The following HEATR5B variants were observed in gnomAD, a reference collection of about 807,000 sequenced individuals.
HEATR5B encodes the protein HEAT repeat containing 5B.
Under a neutral mutation model 224.1 loss-of-function variants are expected in HEATR5B, and 156 were observed. The observed-to-expected ratio is 0.70, with a 90% confidence interval of 0.61 to 0.80. The LOEUF is 0.80. HEATR5B is among the 30% of genes least tolerant of loss of function. HEATR5B has a pLI of 0.00. For missense variants in HEATR5B, 2,323 were observed against 2,535.5 expected (o/e 0.92, Z 1.80); for synonymous variants, 1,027 against 893.0 (o/e 1.15, Z -2.68).
intron 19 of HEATR5B, 151 bp from the exon 20 acceptor site, chr2:37,040,669 C>T: frequency 1.7e-6 from 1 of 586,650 alleles, no homozygotes; most frequent in Non-Finnish European, 3.0e-6. Flanking sequence ...TTTTCATACA[C>T]ATTCTTCATC....
intron 5 of HEATR5B, among the ~76,000 whole-genome samples, chr2:37,074,051 G>T (rs138844202): frequency 1.3e-5 from 2 of 152,188 alleles, no homozygotes; most frequent in Non-Finnish European, 2.9e-5. Context: ...GCCGGGTGTG[G>T]TGGCTCACGC....
intron 26 of HEATR5B, among the ~76,000 whole-genome samples, chr2:37,019,126 C>T (rs1472695337): frequency 1.3e-5 from 2 of 151,712 alleles, no homozygotes; most frequent in Non-Finnish European, 2.9e-5. Context: ...TGCCACTGTG[C>T]TCCAGCCTGG....
In HEATR5B at chr2:37,073,988, G is replaced by A. The variant is rs1672069589; in HGVS notation, c.597+1497C>T. Among the ~76,000 whole-genome samples, 3 of 152,190 alleles carry A rather than the reference G, an allele frequency of 2.0e-5. No homozygotes were observed. The South Asian group carries it at 6.2e-4, about 32-fold the overall frequency. ...ACACAACTGATTTTCAACAAAGGGTGTAAACGGAGTTTAGTGAAGAAAAGA... is the reference window on the plus strand; with the variant it reads ...ACACAACTGATTTTCAACAAAGGGTATAAACGGAGTTTAGTGAAGAAAAGA... On this transcript the variant is annotated intron_variant, in intron 5 of 35. Coordinates refer to ENST00000233099, the MANE Select transcript of HEATR5B (RefSeq NM_019024.3).
At chr2:37,004,592 C>T in intron 30 of HEATR5B, among the ~76,000 whole-genome samples, 1 of 151,902 alleles carries the variant, frequency 6.6e-6, no homozygotes, top group East Asian at 1.9e-4. Flanking sequence ...CTACTGGTCA[C>T]CTCAAACAAT....
chr2:37,039,541 A>G (rs1205899369), intron 20 of HEATR5B, among the ~76,000 whole-genome samples: 1 of 152,212 alleles, frequency 6.6e-6, no homozygotes, highest in Non-Finnish European at 1.5e-5. Flanking sequence ...AAACCTTGTA[A>G]AAGTTCTTAA....
At chr2:37,037,361 T>C (rs566379528) in intron 21 of HEATR5B, among the ~76,000 whole-genome samples, 4 of 151,852 alleles carry the variant, frequency 2.6e-5, no homozygotes, top group Admixed American at 1.3e-4. Context: ...GCCAGGCTAG[T>C]CTCAATCTCC....
chr2:37,064,750 G>A lies in HEATR5B; in HGVS notation c.1574C>T (p.Ala525Val). 6.2e-7 allele frequency: 1 copy of A among 1,613,872 alleles called. No homozygotes were observed. Among genetic ancestry groups the A allele is most frequent in the Non-Finnish European group, 8.5e-7 (1 of 1,179,966 alleles). The change falls in exon 10 of 36, where the codon GCC (alanine) becomes GTC (valine). Residue 525 changes from alanine (A) to valine (V), a missense_variant. Physicochemically the swap from Ala to Val is moderately conservative, Grantham distance 64. This residue lies in a region of HEATR5B where 502 missense variants were observed against 517.8 expected (regional missense o/e 0.97). Transcript: ENST00000233099. ...VHQCPLGIPH[A>V]KGKMVVSIAE... ...GGATCTCCGTCATACCTTTCCTTTG[G>A]CATGAGGAATGCCCAAAGGACACTG...
intron 5 of HEATR5B, among the ~76,000 whole-genome samples, chr2:37,073,819 G>A (rs1214270051): frequency 6.6e-6 from 1 of 152,088 alleles, no homozygotes; most frequent in African/African-American, 2.4e-5. Context: ...TTTTGAAAAA[G>A]AACAAAGTTG....
rs556436336 is a variant in HEATR5B, at chr2:37,005,660, T to C, written c.4877A>G (p.Tyr1626Cys). 3.6e-5 allele frequency: 58 copies of C among 1,613,430 alleles called. No individual in the cohort carries two copies. In the South Asian group the frequency reaches 5.8e-4, roughly 16 times the overall value. ...QALHTLLDSP[Y>C]ARVHIAEDQL... ...ATCTTCTGCAATATGGACTCGAGCATAAGGGGAGTCTAGCAAGGTATGTAA... is the reference window on the plus strand; with the variant it reads ...ATCTTCTGCAATATGGACTCGAGCACAAGGGGAGTCTAGCAAGGTATGTAA... The change falls in exon 30 of 36, where the codon TAT becomes TGT. Residue 1626 changes from tyrosine to cysteine, a missense_variant. By Grantham distance (194) the Tyr-to-Cys change is radical. Coordinates refer to ENST00000233099, the MANE Select transcript of HEATR5B (RefSeq NM_019024.3).
At chr2:37,034,615 A>G (rs1572855443) in intron 21 of HEATR5B, among the ~76,000 whole-genome samples, 1 of 139,618 alleles carries the variant, frequency 7.2e-6, no homozygotes, top group Non-Finnish European at 1.6e-5. Context: ...TCTGTCTCAA[A>G]AAAAAAAAAA....
chr2:37,035,052 G>C (rs189613932), intron 21 of HEATR5B, among the ~76,000 whole-genome samples: 1 of 152,220 alleles, frequency 6.6e-6, no homozygotes, highest in African/African-American at 2.4e-5. Context: ...CACAACTACT[G>C]TAAGAATCAA....
Position 37,068,895 on chromosome 2 carries a change from C to G in HEATR5B, c.963G>C (p.Gln321His). The change falls in exon 8 of 36, where the codon CAG (glutamine) becomes CAC (histidine). Residue 321 changes from glutamine to histidine, a missense_variant. This residue lies in a region of HEATR5B where 502 missense variants were observed against 517.8 expected (regional missense o/e 0.97). Coordinates refer to ENST00000233099, the MANE Select transcript of HEATR5B (RefSeq NM_019024.3). ...YVVFVTTLGGQWLERSFATFL... is the reference protein window; with the variant it reads ...YVVFVTTLGGHWLERSFATFL... ...ACGTGGCAAAGCTGCGCTCCAACCA[C>G]TGACCACCCAATGTTGTCACAAAAA... 1.9e-6 allele frequency: 3 copies of G among 1,614,138 alleles called. No homozygotes were observed. In the East Asian group the frequency reaches 6.7e-5, roughly 36 times the overall value.
At chr2:36,988,154 C>A (rs1010201232) in intron 35 of HEATR5B, among the ~76,000 whole-genome samples, 6 of 151,846 alleles carry the variant, frequency 4.0e-5, no homozygotes, top group Admixed American at 2.6e-4. Flanking sequence ...AAAAAAAAAT[C>A]GCTGTGTTGA....
intron 16 of HEATR5B, among the ~76,000 whole-genome samples, chr2:37,054,618 G>A (rs1558351040): frequency 1.3e-5 from 2 of 150,790 alleles, no homozygotes; most frequent in South Asian, 2.1e-4. Flanking sequence ...CCGAGTAGCT[G>A]GGACTACAGG....
At chr2:37,044,512 T>G (rs966237260) in intron 18 of HEATR5B, among the ~76,000 whole-genome samples, 1 of 152,186 alleles carries the variant, frequency 6.6e-6, no homozygotes, top group Non-Finnish European at 1.5e-5. Context: ...ATTCAACCAT[T>G]GATAATTGTG....
In HEATR5B at chr2:37,049,813, G is replaced by T. The variant is rs892616857; in HGVS notation, c.2536C>A (p.Pro846Thr). Residue 846 changes from proline to threonine, a missense_variant, in exon 18 of 36, where the codon CCT becomes ACT. Pro to Thr is a conservative substitution (Grantham distance 38). Transcript: ENST00000233099. Reference protein sequence around the residue: ...GLAENKSTLGPEEVRKSALTL... With the variant: ...GLAENKSTLGTEEVRKSALTL... ...AGGGCAGATTTACGAACTTCCTCAGGTCCTAAAGTACTTTTGTTTTCAGCT... is the reference window on the plus strand; with the variant it reads ...AGGGCAGATTTACGAACTTCCTCAGTTCCTAAAGTACTTTTGTTTTCAGCT... 14 of 1,580,046 alleles carry T rather than the reference G, an allele frequency of 8.9e-6. No individual in the cohort carries two copies. Among genetic ancestry groups the T allele is most frequent in the Middle Eastern group, 1.7e-4 (1 of 5,918 alleles).
chr2:37,071,391 G>A (rs1671896962), intron 6 of HEATR5B, among the ~76,000 whole-genome samples: 1 of 152,138 alleles, frequency 6.6e-6, no homozygotes, highest in South Asian at 2.1e-4. Flanking sequence ...CAAAGCAAGA[G>A]TAATTTGAAA....
intron 19 of HEATR5B, 125 bp downstream of exon 19, chr2:37,041,008 T>A: frequency 1.4e-6 from 1 of 710,798 alleles, no homozygotes; most frequent in Non-Finnish European, 2.3e-6. Flanking sequence ...CTATGTACTA[T>A]TACAAAAACA....
chr2:37,029,489 C>A (rs1002040517), intron 22 of HEATR5B, among the ~76,000 whole-genome samples: 1 of 151,344 alleles, frequency 6.6e-6, no homozygotes, highest in Non-Finnish European at 1.5e-5. Flanking sequence ...CATGGCGAAA[C>A]CCCGTCTCTA....
Sources: allele counts gnomAD v4.1 joint callset (sites outside exome capture counted in the v4.1 genomes callset), GRCh38; gene constraint gnomAD v4.1.1; regional missense constraint gnomAD v4.1.1; transcripts MANE v1.5; gene names NCBI Gene and HGNC (gene_info 2026-07-23, HGNC 2026-07-21).